Variants in ZNF713 observed in about 807,000 individuals in gnomAD.
ZNF713 encodes the protein zinc finger protein 713.
A neutral mutation model predicts 28.7 loss-of-function variants in ZNF713; 21 were observed. That is an observed-to-expected ratio of 0.73 (90% CI 0.52 to 1.05). ZNF713 has a LOEUF of 1.05. ZNF713 is among the 50% of genes least tolerant of loss of function. The pLI is 0.00. For missense variants in ZNF713, 458 were observed against 532.4 expected (o/e 0.86, Z 1.37); for synonymous variants, 167 against 178.0 (o/e 0.94, Z 0.49).
chr7:55,936,628 A>G (rs1244765878), intron 6 of ZNF713, among the ~76,000 whole-genome samples: 1 of 152,148 alleles, frequency 6.6e-6, no homozygotes, highest in African/African-American at 2.4e-5. Flanking sequence ...CAGAAAGTCC[A>G]AGACCAGGAA....
chr7:55,893,129 C>T (rs113225695), intron 1 of ZNF713, among the ~76,000 whole-genome samples: 206 of 151,984 alleles, frequency 1.4e-3, no homozygotes, highest in Non-Finnish European at 2.2e-3. Flanking sequence ...ATGATCTGCC[C>T]GCCTCAGCCT....
At chr7:55,932,890 CAAAAAA>C (rs61092452) in intron 6 of ZNF713, among the ~76,000 whole-genome samples, 1 of 47,784 alleles carries the variant, frequency 2.1e-5, no homozygotes, top group East Asian at 8.7e-4. Flanking sequence ...GACTCCGTCT[CAAAAAA>C]AAAAAAAAAA....
chr7:55,909,859 T>A (rs745406739), intron 2 of ZNF713, among the ~76,000 whole-genome samples: 14 of 152,174 alleles, frequency 9.2e-5, no homozygotes, highest in Non-Finnish European at 2.1e-4. Flanking sequence ...CTTGGTTTGG[T>A]TCTCAGCTTG....
chr7:55,894,527 A>C (rs1584295134), intron 1 of ZNF713, among the ~76,000 whole-genome samples: 1 of 152,264 alleles, frequency 6.6e-6, no homozygotes. Flanking sequence ...TATGTATTTC[A>C]AAAGAACAAA....
At chr7:55,932,629 A>G (rs945920897) in intron 6 of ZNF713, among the ~76,000 whole-genome samples, 4 of 151,766 alleles carry the variant, frequency 2.6e-5, no homozygotes, top group African/African-American at 9.7e-5. Flanking sequence ...TCACGCCTGT[A>G]ATCCCAGCAC....
At chr7:55,925,416 A>T (rs1035537981) in intron 6 of ZNF713, among the ~76,000 whole-genome samples, 1 of 152,034 alleles carries the variant, frequency 6.6e-6, no homozygotes, top group African/African-American at 2.4e-5. Context: ...AGGTCAAGAG[A>T]TCGAGACCAT....
At chr7:55,893,797 C>A (rs1785428903) in intron 1 of ZNF713, among the ~76,000 whole-genome samples, 1 of 152,146 alleles carries the variant, frequency 6.6e-6, no homozygotes, top group African/African-American at 2.4e-5. Flanking sequence ...CCAGGCTGGT[C>A]TCAAACTCCT....
Position 55,939,038 on chromosome 7 carries a change from GA to G in ZNF713, c.368del (p.Asn123IlefsTer6). The G allele has an allele frequency of 6.2e-7, 1 of 1,606,938 alleles. No individual in the cohort carries two copies. The highest frequency in any genetic ancestry group is 8.5e-7 in the Non-Finnish European group (1 of 1,177,164). ...AACCACAAGCCAGAATATTTCTGAT[GA>G]AAATCAAACCCATGAGATGATAATG... ...KSTTSQNISD[E>X]NQTHEMIMER... On this transcript the variant is annotated frameshift_variant, in exon 7 of 7. Coordinates refer to ENST00000429591, the MANE Select transcript of ZNF713 (RefSeq NM_182633.3). LOFTEE classifies it high-confidence loss of function.
At chr7:55,914,859 AT>A (rs1307595237) in intron 4 of ZNF713, among the ~76,000 whole-genome samples, 1 of 151,806 alleles carries the variant, frequency 6.6e-6, no homozygotes, top group Non-Finnish European at 1.5e-5. Context: ...ATTTTATTTT[AT>A]TTTATTTTTT....
intron 6 of ZNF713, chr7:55,923,938 G>C: frequency 3.2e-6 from 1 of 310,390 alleles, no homozygotes; most frequent in Non-Finnish European, 6.1e-6. Context: ...AGGTTATTTT[G>C]AAGGTATCCA....
At chr7:55,936,832 G>A (rs899513328) in intron 6 of ZNF713, among the ~76,000 whole-genome samples, 13 of 152,238 alleles carry the variant, frequency 8.5e-5, no homozygotes. Context: ...GAAATGACAA[G>A]GGGTGAGGGG....
intron 2 of ZNF713, among the ~76,000 whole-genome samples, chr7:55,909,991 G>A (rs546720555): frequency 1.0e-4 from 15 of 149,598 alleles, no homozygotes; most frequent in South Asian, 2.1e-4. Flanking sequence ...GTGTGTGTGT[G>A]TATATACGTT....
intron 2 of ZNF713, among the ~76,000 whole-genome samples, chr7:55,908,543 T>G (rs1258829686): frequency 6.6e-6 from 1 of 152,170 alleles, no homozygotes; most frequent in African/African-American, 2.4e-5. Context: ...ATGAATGATG[T>G]TAAGCATTGT....
At chr7:55,927,833 G>T (rs1360355288) in intron 6 of ZNF713, among the ~76,000 whole-genome samples, 1 of 135,730 alleles carries the variant, frequency 7.4e-6, no homozygotes, top group South Asian at 2.4e-4. Flanking sequence ...GGAGACGGAG[G>T]TTGCAGTGAG....
intron 1 of ZNF713, among the ~76,000 whole-genome samples, chr7:55,893,031 C>T (rs191236882): frequency 0.047 from 7,063 of 151,610 alleles, 505 homozygotes; most frequent in African/African-American, 0.16. Flanking sequence ...TACAGGCGGC[C>T]GCCACCACGC....
At chr7:55,894,910 T>C (rs1032726402) in intron 1 of ZNF713, among the ~76,000 whole-genome samples, 1 of 152,220 alleles carries the variant, frequency 6.6e-6, no homozygotes, top group Non-Finnish European at 1.5e-5. Context: ...CATTTAATAA[T>C]ATGTGCATGT....
chr7:55,907,454 T>C (rs949290950), intron 2 of ZNF713, among the ~76,000 whole-genome samples: 8 of 152,244 alleles, frequency 5.3e-5, no homozygotes, highest in Non-Finnish European at 4.4e-5. Context: ...GCAGAAGACA[T>C]GATTTCATTC....
chr7:55,941,497 A>G lies in ZNF713; in HGVS notation c.*1491A>G, dbSNP rs1023624713. 6.6e-6 allele frequency: 1 copy of G among 151,874 alleles called. No individual in the cohort carries two copies. The highest frequency in any genetic ancestry group is 1.5e-5 in the Non-Finnish European group (1 of 67,988). The allele number at this position is 151,874 out of a possible 1,614,324, so 9.4% of individuals were successfully genotyped here. A position where few individuals can be genotyped will look rare whatever the true frequency, so the allele number is the denominator to read the frequency against. ...AATTTAAAAATAAAGGCGATGCTGT[A>G]GTGCAGCCAGTCACATTAACTTGAA... On this transcript the variant is annotated 3_prime_UTR_variant, in exon 7 of 7. Coordinates refer to ENST00000429591, the MANE Select transcript of ZNF713 (RefSeq NM_182633.3).
intron 6 of ZNF713, among the ~76,000 whole-genome samples, chr7:55,933,273 T>G (rs1786279376): frequency 1.3e-5 from 2 of 152,088 alleles, no homozygotes. Flanking sequence ...ACATAAGGTC[T>G]TAAGGCCTAC....
Sources: allele counts gnomAD v4.1 joint callset (sites outside exome capture counted in the v4.1 genomes callset), GRCh38; gene constraint gnomAD v4.1.1; transcripts MANE v1.5; gene names NCBI Gene and HGNC (gene_info 2026-07-23, HGNC 2026-07-21).